Variants in DDHD1 observed in about 807,000 individuals in gnomAD.
DDHD1 encodes phospholipase DDHD1.
Under a neutral mutation model 96.4 loss-of-function variants are expected in DDHD1, and 49 were observed. That is an observed-to-expected ratio of 0.51 (90% confidence interval 0.40 to 0.64). The LOEUF is 0.64. Among genes scored for constraint, DDHD1 ranks in the 30% least tolerant of loss-of-function variants. The pLI, the probability that DDHD1 is intolerant of heterozygous loss-of-function variation, is 0.00. For missense variants in DDHD1, 1,106 were observed against 1,161.2 expected (o/e 0.95, Z 0.69); for synonymous variants, 442 against 446.5 (o/e 0.99, Z 0.13).
At chr14:53,079,105 T>C (rs2139941531) in intron 4 of DDHD1, among the ~76,000 whole-genome samples, 1 of 152,316 alleles carries the variant, frequency 6.6e-6, no homozygotes, top group African/African-American at 2.4e-5. Context: ...GATTCAAGTT[T>C]GTTGGCATTT....
chr14:53,132,884 T>C (rs567039199), intron 1 of DDHD1, among the ~76,000 whole-genome samples: 1 of 152,278 alleles, frequency 6.6e-6, no homozygotes, highest in South Asian at 2.1e-4. Flanking sequence ...CTGTCCCTCA[T>C]GGCCAGTTTT....
At chr14:53,105,257 T>C (rs1219849815) in intron 1 of DDHD1, among the ~76,000 whole-genome samples, 1 of 152,124 alleles carries the variant, frequency 6.6e-6, no homozygotes, top group Non-Finnish European at 1.5e-5. Context: ...TTGTGAACTA[T>C]AAATATCATT....
intron 1 of DDHD1, among the ~76,000 whole-genome samples, chr14:53,108,081 T>G (rs1185062262): frequency 6.6e-6 from 1 of 152,146 alleles, no homozygotes; most frequent in Non-Finnish European, 1.5e-5. Flanking sequence ...CTGCACTCTT[T>G]TCTGGTCCGT....
intron 2 of DDHD1, among the ~76,000 whole-genome samples, chr14:53,100,443 G>A (rs1887216619): frequency 6.6e-6 from 1 of 152,252 alleles, no homozygotes; most frequent in Admixed American, 6.5e-5. Context: ...ACTGCAGCCT[G>A]GGTGACAGAG....
intron 1 of DDHD1, among the ~76,000 whole-genome samples, chr14:53,137,590 T>C (rs1890329252): frequency 6.7e-6 from 1 of 150,032 alleles, no homozygotes; most frequent in South Asian, 2.1e-4. Context: ...AGACTCTTTC[T>C]CAAAAAATAA....
chr14:53,094,758 C>T (rs184303376), intron 2 of DDHD1, among the ~76,000 whole-genome samples: 3 of 151,786 alleles, frequency 2.0e-5, no homozygotes, highest in East Asian at 1.9e-4. Flanking sequence ...GCAGGAGGAT[C>T]GCTTAAGCCC....
At chr14:53,093,477 C>A in intron 2 of DDHD1, 33 bp from the exon 3 acceptor site, 1 of 1,593,660 alleles carries the variant, frequency 6.3e-7, no homozygotes, top group East Asian at 2.3e-5. Context: ...ATTTGAAGGT[C>A]TCCAAGACAA....
chr14:53,091,861 T>A lies in DDHD1; in HGVS notation c.1213A>T (p.Thr405Ser). ...TGCACAACAAATACAATATGGGTAG[T>A]CTGTGATGGCTTGTCTTCTAATGTG... Reference protein sequence around the residue: ...EATLEDKPSQTTHIVFVVHGI... With the variant: ...EATLEDKPSQSTHIVFVVHGI... The change falls in exon 4 of 13, where the codon ACT becomes TCT. Residue 405 changes from threonine (T) to serine (S), a missense_variant. Around this residue, in one of 2 missense-constraint regions of DDHD1, gnomAD observed 650 missense variants for 758.8 expected, o/e 0.86. Coordinates refer to ENST00000673822, the MANE Select transcript of DDHD1 (RefSeq NM_001160148.2). 3.1e-6 allele frequency: 5 copies of A among 1,613,818 alleles called. No individual in the cohort carries two copies. The Admixed American group carries it at 8.3e-5, about 27-fold the overall frequency.
chr14:53,095,424 AT>A (rs766296360), intron 2 of DDHD1, among the ~76,000 whole-genome samples: 41 of 152,218 alleles, frequency 2.7e-4, no homozygotes, highest in Non-Finnish European at 4.7e-4. Flanking sequence ...ATGTATGATC[AT>A]AAGACATTTT....
intron 6 of DDHD1, among the ~76,000 whole-genome samples, chr14:53,071,691 T>C (rs1884519614): frequency 6.6e-6 from 1 of 152,094 alleles, no homozygotes; most frequent in African/African-American, 2.4e-5. Context: ...ATTTTCCCTG[T>C]CTCCCTGCTA....
intron 1 of DDHD1, among the ~76,000 whole-genome samples, chr14:53,138,346 A>C (rs991668888): frequency 8.5e-5 from 13 of 152,194 alleles, no homozygotes; most frequent in African/African-American, 1.7e-4. Context: ...TGGAGGCTGC[A>C]GTGAGCCAAA....
chr14:53,067,139 G>A (rs974874463), intron 6 of DDHD1, among the ~76,000 whole-genome samples: 2 of 151,298 alleles, frequency 1.3e-5, no homozygotes, highest in Admixed American at 6.6e-5. Flanking sequence ...TGGGAGATCC[G>A]GGAAACTATT....
intron 7 of DDHD1, among the ~76,000 whole-genome samples, chr14:53,062,709 C>T (rs989996936): frequency 2.6e-5 from 4 of 151,798 alleles, no homozygotes; most frequent in Non-Finnish European, 5.9e-5. Context: ...TGTGAAGAAA[C>T]GATGAAAGGA....
At chr14:53,065,170 A>G (rs1883915639) in intron 6 of DDHD1, among the ~76,000 whole-genome samples, 3 of 152,182 alleles carry the variant, frequency 2.0e-5, no homozygotes, top group Admixed American at 2.0e-4. Flanking sequence ...ACTGCTCAAG[A>G]GTTAAAATTT....
At chr14:53,110,839 G>T (rs183423569) in intron 1 of DDHD1, among the ~76,000 whole-genome samples, 5 of 152,240 alleles carry the variant, frequency 3.3e-5, no homozygotes, top group South Asian at 2.1e-4. Flanking sequence ...GCTGGGCTTG[G>T]TGGTAACACG....
intron 1 of DDHD1, among the ~76,000 whole-genome samples, chr14:53,138,553 T>A (rs1890408598): frequency 6.6e-6 from 1 of 152,162 alleles, no homozygotes; most frequent in Non-Finnish European, 1.5e-5. Context: ...TAAATGAAAG[T>A]ATGCTAATAA....
intron 1 of DDHD1, among the ~76,000 whole-genome samples, chr14:53,127,083 G>GT (rs569113787): frequency 7.9e-5 from 12 of 152,100 alleles, no homozygotes; most frequent in Non-Finnish European, 1.8e-4. Context: ...TTGAACATAT[G>GT]TTTTTTTAAA....
intron 1 of DDHD1, among the ~76,000 whole-genome samples, chr14:53,147,218 A>G (rs8008565): frequency 6.6e-6 from 1 of 152,192 alleles, no homozygotes; most frequent in African/African-American, 2.4e-5. Flanking sequence ...AAAAGGATCA[A>G]CTGTAGGTTC....
chr14:53,062,525 A>G lies in DDHD1; in HGVS notation c.1766+418T>C, dbSNP rs181883697. On this transcript the variant is annotated intron_variant, in intron 7 of 12. Transcript: ENST00000673822. The stretch of plus-strand genomic sequence containing the variant: ...TTATACATATAACATGTAAAAAAAT[A>G]TATTTGCTTAAAAAAAGCACTTAAA... Among the ~76,000 whole-genome samples the G allele has an allele frequency of 1.9e-3, 286 of 152,180 alleles. 2 individuals carry two copies. Among genetic ancestry groups the G allele is most frequent in the African/African-American group, 6.4e-3 (268 of 41,558 alleles).
Sources: gnomAD v4.1 joint callset for allele counts (sites outside exome capture counted in the v4.1 genomes callset) on GRCh38, gnomAD v4.1.1 for gene constraint, gnomAD v4.1.1 regional missense constraint, MANE v1.5 for transcripts, NCBI Gene and HGNC (gene_info 2026-07-23, HGNC 2026-07-21) for gene names.